Variants in FAM219A observed in about 807,000 individuals in gnomAD.
The protein encoded by FAM219A is protein FAM219A.
A neutral mutation model predicts 23.4 loss-of-function variants in FAM219A; 7 were observed. That is an observed-to-expected ratio of 0.30 (90% CI 0.17 to 0.56). FAM219A has a LOEUF of 0.56. Ranked by LOEUF, FAM219A falls within the 20% of genes least tolerant of loss-of-function variation. The pLI, the probability that FAM219A is intolerant of heterozygous loss-of-function variation, is 0.92. For synonymous variants in FAM219A, 93 were observed against 99.0 expected (o/e 0.94, Z 0.36); for missense variants, 166 against 246.9 (o/e 0.67, Z 2.20).
rs980963081 is a variant in FAM219A at position 34,417,602 on chromosome 9, T to C, written c.61-11638A>G. On this transcript the variant is annotated intron_variant, in intron 1 of 5. Transcript: ENST00000651358. The surrounding 1 kb of genome is among the most constrained non-coding windows in gnomAD (Gnocchi z 4.1). ...AGTTTCTTGATAGATATTGCCAAAATGCTTTCCCAAAGGATTGTTCCAATT... is the reference window on the plus strand; with the variant it reads ...AGTTTCTTGATAGATATTGCCAAAACGCTTTCCCAAAGGATTGTTCCAATT... Among the ~76,000 whole-genome samples the C allele has an allele frequency of 2.0e-5, 3 of 152,224 alleles. No individual in the cohort carries two copies. Among genetic ancestry groups the C allele is most frequent in the African/African-American group, 7.2e-5 (3 of 41,460 alleles).
At chr9:34,413,039 G>A (rs1017184454) in intron 1 of FAM219A, among the ~76,000 whole-genome samples, 2 of 152,134 alleles carry the variant, frequency 1.3e-5, no homozygotes, top group Non-Finnish European at 2.9e-5. Flanking sequence ...AGACTGAGGG[G>A]AAGGAAGCTG....
chr9:34,402,958 G>A, intron 2 of FAM219A, 151 bp from the exon 3 acceptor site: 1 of 652,352 alleles, frequency 1.5e-6, no homozygotes, highest in South Asian at 1.9e-5. Flanking sequence ...CCTGCTGCTT[G>A]GTGGAGATAG....
rs950338940 is a variant in FAM219A at position 34,451,011 on chromosome 9, T to A, written c.60+7193A>T. Among the ~76,000 whole-genome samples, 5 of 152,244 alleles carry A rather than the reference T, an allele frequency of 3.3e-5. No individual in the cohort carries two copies. The South Asian group carries it at 8.3e-4, about 25-fold the overall frequency. On this transcript the variant is annotated intron_variant, in intron 1 of 5. Coordinates refer to ENST00000651358, the MANE Select transcript of FAM219A (RefSeq NM_001184940.2). The stretch of plus-strand genomic sequence containing the variant: ...GACCTTCAATAACCAAACCATCCGA[T>A]CCTCAATTTGCTATCTCTGAATAAC...
At chr9:34,435,966 T>C (rs556387098) in intron 1 of FAM219A, among the ~76,000 whole-genome samples, 1 of 152,086 alleles carries the variant, frequency 6.6e-6, no homozygotes, top group East Asian at 1.9e-4. Flanking sequence ...CCACCACACC[T>C]GGCTCATTTT....
intron 1 of FAM219A, among the ~76,000 whole-genome samples, chr9:34,440,870 T>A (rs1367773783): frequency 6.6e-6 from 1 of 151,754 alleles, no homozygotes; most frequent in African/African-American, 2.4e-5. Flanking sequence ...AAAAAAAAAT[T>A]TTTAAAGAAA....
intron 1 of FAM219A, among the ~76,000 whole-genome samples, chr9:34,430,846 T>TAACAACAACAACAACAAC (rs56402341): frequency 0.043 from 6,420 of 150,310 alleles, 199 homozygotes; most frequent in Non-Finnish European, 0.058. Flanking sequence ...TGTCTCCAAA[T>TAACAACAACAACAACAAC]AACAACAACA....
At position 34,458,207 on chromosome 9, in the gene FAM219A, C is replaced by A. The variant is rs1354309449; in HGVS notation, c.57G>T (p.Pro19=). 1 of 1,588,352 alleles carries A rather than the reference C, an allele frequency of 6.3e-7. No homozygotes were observed. The change falls in exon 1 of 6, where the codon CCG becomes CCT. Residue 19 remains proline (P), a synonymous_variant. Coordinates refer to ENST00000651358, the MANE Select transcript of FAM219A (RefSeq NM_001184940.2). This position sits in a 1 kb window ranked among gnomAD's most constrained non-coding sequence, Gnocchi z 6.6. ...TGCCCGCCGCCCGCCCCCTCACCAG[C>A]GGCTGCATCTCCGAGTGCGCGGTGG... ...QVPTAHSEMQ[P]LDPAAASISD...
rs199621463 is a variant in FAM219A at position 34,403,847 on chromosome 9, C to T, written c.161-1040G>A. Among the ~76,000 whole-genome samples, 6 of 152,130 alleles carry T rather than the reference C, an allele frequency of 3.9e-5. No individual in the cohort carries two copies. The East Asian group carries it at 1.2e-3, about 29-fold the overall frequency. Reference sequence around the variant, plus strand: ...CTACTGTGACTCACTTGGAAATTTCCCCTGACCTCATGTCTCTGAATCTCT... The same window carrying T: ...CTACTGTGACTCACTTGGAAATTTCTCCTGACCTCATGTCTCTGAATCTCT... On this transcript the variant is annotated intron_variant, in intron 2 of 5. Transcript: ENST00000651358.
chr9:34,442,048 C>T (rs1823194274), intron 1 of FAM219A, among the ~76,000 whole-genome samples: 1 of 152,176 alleles, frequency 6.6e-6, no homozygotes. Context: ...AGGCTAACTA[C>T]ACCACAAAAA....
At chr9:34,408,297 G>C (rs1471227311) in intron 1 of FAM219A, among the ~76,000 whole-genome samples, 1 of 151,546 alleles carries the variant, frequency 6.6e-6, no homozygotes, top group East Asian at 1.9e-4. Context: ...CAAACCTCTA[G>C]TGGCCCTGAC....
At chr9:34,439,775 G>A (rs1005628973) in intron 1 of FAM219A, among the ~76,000 whole-genome samples, 1 of 152,162 alleles carries the variant, frequency 6.6e-6, no homozygotes, top group Non-Finnish European at 1.5e-5. Context: ...AATGTGATAT[G>A]AGATAAGCTG....
Position 34,398,300 on chromosome 9 carries a change from C to T in FAM219A, c.*2664G>A. The T allele has an allele frequency of 1.3e-6, 2 of 1,550,836 alleles. No individual in the cohort carries two copies. The highest frequency in any genetic ancestry group is 1.7e-4 in the Middle Eastern group (1 of 5,994). ...AATATTATACACGGCTCATGTCTTC[C>T]ACACACCTTCCTGGAAATAAATTAG... On this transcript the variant is annotated 3_prime_UTR_variant, in exon 6 of 6. Coordinates refer to ENST00000651358, the MANE Select transcript of FAM219A (RefSeq NM_001184940.2).
chr9:34,440,799 C>A (rs1463989480), intron 1 of FAM219A, among the ~76,000 whole-genome samples: 2 of 150,002 alleles, frequency 1.3e-5, no homozygotes, highest in African/African-American at 2.5e-5. Context: ...GCAAGTGAGC[C>A]GAGATCGCGC....
rs1054895968 is a variant in FAM219A at position 34,433,928 on chromosome 9, C to T, written c.60+24276G>A. On this transcript the variant is annotated intron_variant, in intron 1 of 5. Coordinates refer to ENST00000651358, the MANE Select transcript of FAM219A (RefSeq NM_001184940.2). The stretch of plus-strand genomic sequence containing the variant: ...TAAGAATGAAGTGGCCTCGGCCGGG[C>T]GCGGTGGCTCATGCCTGTAATCCCA... Among the ~76,000 whole-genome samples, 7 of 152,038 alleles carry T rather than the reference C, an allele frequency of 4.6e-5. No homozygotes were observed. In the South Asian group the frequency reaches 6.2e-4, roughly 14 times the overall value.
Position 34,458,376 on chromosome 9 carries a change from A to C in FAM219A, c.-113T>G. On this transcript the variant is annotated 5_prime_UTR_variant, in exon 1 of 6. Coordinates refer to ENST00000651358, the MANE Select transcript of FAM219A (RefSeq NM_001184940.2). The surrounding 1 kb of genome is among the most constrained non-coding windows in gnomAD (Gnocchi z 6.6). ...GGTGGTGCAGACTAGGCCTCCCCGG[A>C]CCACTCGGGCGGGCAGGGGCCGGGC... 1.4e-6 allele frequency: 1 copy of C among 690,902 alleles called. No homozygotes were observed. Among genetic ancestry groups the C allele is most frequent in the Non-Finnish European group, 2.0e-6 (1 of 511,282 alleles). 42.8% of individuals were successfully genotyped at this position (690,902 alleles called of 1,614,324 possible).
intron 1 of FAM219A, among the ~76,000 whole-genome samples, chr9:34,421,314 G>A (rs935671936): frequency 6.6e-6 from 1 of 152,066 alleles, no homozygotes; most frequent in African/African-American, 2.4e-5. Context: ...AGGTAAGGAG[G>A]GGAGATTGTA....
At chr9:34,438,773 C>G (rs1407687085) in intron 1 of FAM219A, among the ~76,000 whole-genome samples, 1 of 152,222 alleles carries the variant, frequency 6.6e-6, no homozygotes, top group Non-Finnish European at 1.5e-5. Flanking sequence ...AAACAGACCA[C>G]TGGGCTCTAC....
chr9:34,440,473 A>C (rs1823125109), intron 1 of FAM219A, among the ~76,000 whole-genome samples: 1 of 152,060 alleles, frequency 6.6e-6, no homozygotes. Flanking sequence ...AGGGGTGGAG[A>C]TACTGGGGCA....
At chr9:34,431,740 A>T (rs1367712123) in intron 1 of FAM219A, among the ~76,000 whole-genome samples, 1 of 152,166 alleles carries the variant, frequency 6.6e-6, no homozygotes, top group African/African-American at 2.4e-5. Context: ...AAAAACATTT[A>T]AAAAAGAGGA....
Sources: gnomAD v4.1 joint callset for allele counts (sites outside exome capture counted in the v4.1 genomes callset) on GRCh38, gnomAD v4.1.1 for gene constraint, Gnocchi (gnomAD v3.1) non-coding constraint, MANE v1.5 for transcripts, NCBI Gene and HGNC (gene_info 2026-07-23, HGNC 2026-07-21) for gene names.